The following PDE3B variants were observed in gnomAD, a reference collection of about 807,000 sequenced individuals.
The protein encoded by PDE3B is phosphodiesterase 3B.
In PDE3B, 66 loss-of-function variants were observed where a neutral mutation model predicts 116.8. The observed-to-expected ratio is 0.56, with a 90% CI of 0.46 to 0.69. PDE3B has a LOEUF of 0.69. Among genes scored for constraint, PDE3B ranks in the 30% least tolerant of loss-of-function variants. PDE3B has a pLI of 0.00. For synonymous variants in PDE3B, 595 were observed against 533.6 expected (o/e 1.12, Z -1.59); for missense variants, 1,384 against 1,368.1 (o/e 1.01, Z -0.18).
At chr11:14,879,030 A>G in the PDE3B span, 2 of 1,086,368 alleles carry the variant, frequency 1.8e-6, no homozygotes, top group African/African-American at 3.1e-5. Flanking sequence ...ATTCTATAGA[A>G]GGATGCTTCA....
chr11:14,800,083 T>C (rs1378529521), intron 4 of PDE3B, among the ~76,000 whole-genome samples: 2 of 152,322 alleles, frequency 1.3e-5, no homozygotes, highest in African/African-American at 4.8e-5. Flanking sequence ...TTCCTTTCCA[T>C]GTTTAGTGCT....
At chr11:14,838,745 A>G (rs1305456745) in intron 11 of PDE3B, among the ~76,000 whole-genome samples, 1 of 152,228 alleles carries the variant, frequency 6.6e-6, no homozygotes, top group Non-Finnish European at 1.5e-5. Context: ...CCTGGGGGAT[A>G]TATGTCTGAA....
At position 14,656,180 on chromosome 11, in the gene PDE3B, TTAGCTAATG is replaced by T. The variant is rs1853712248; in HGVS notation, c.978+11131_978+11139del. On this transcript the variant is annotated intron_variant, in intron 1 of 15. Transcript: ENST00000282096. ...AGTGACTGAAAGTTTACTGGTGTCA[TTAGCTAATG>T]TAGGGAACATTGGAAGATGAGCTGG... Among the ~76,000 whole-genome samples the T allele has an allele frequency of 2.0e-5, 3 of 152,286 alleles. No individual in the cohort carries two copies. In the South Asian group the frequency reaches 6.2e-4, roughly 32 times the overall value.
intron 11 of PDE3B, among the ~76,000 whole-genome samples, chr11:14,838,918 A>G (rs1426297331): frequency 2.6e-5 from 4 of 152,206 alleles, no homozygotes; most frequent in Non-Finnish European, 2.9e-5. Flanking sequence ...AACTCCTTGT[A>G]TACTGTAGAG....
chr11:14,674,483 G>T, intron 1 of PDE3B: 1 of 568,116 alleles, frequency 1.8e-6, no homozygotes, highest in East Asian at 4.4e-5. Context: ...GTTTCATGAA[G>T]AAGAGGCCCA....
intron 1 of PDE3B, among the ~76,000 whole-genome samples, chr11:14,764,553 A>G (rs377138021): frequency 2.0e-5 from 3 of 152,234 alleles, no homozygotes; most frequent in South Asian, 2.1e-4. Flanking sequence ...AATGACAAAT[A>G]TAAGATGCTA....
chr11:14,643,890 A>C lies in PDE3B; in HGVS notation c.-186A>C. The C allele has an allele frequency of 2.5e-6, 2 of 809,338 alleles. No homozygotes were observed. The highest frequency in any genetic ancestry group is 3.5e-6 in the Non-Finnish European group (2 of 570,224). The allele number at this position is 809,338 out of a possible 1,614,324, so 50.1% of individuals were successfully genotyped here. On this transcript the variant is annotated 5_prime_UTR_variant, in exon 1 of 16. The change abolishes an upstream ATG in the 5' untranslated region. Coordinates refer to ENST00000282096, the MANE Select transcript of PDE3B (RefSeq NM_000922.4). ...CCTTCCGCCCCTCTCCTCAGCCAGC[A>C]TGTCCCGGACTCCGCCGCTCCTCAG...
rs1469540678 is a variant in PDE3B at position 14,823,128 on chromosome 11, G to T, written c.1807+3919G>T. On this transcript the variant is annotated intron_variant, in intron 7 of 15. Coordinates refer to ENST00000282096, the MANE Select transcript of PDE3B (RefSeq NM_000922.4). ...CCCTGAGATAGTGCTCCCGGGGGAG[G>T]GACAGGCCGCCATCTTTGCTGTTTC... Among the ~76,000 whole-genome samples, 3 of 152,230 alleles carry T rather than the reference G, an allele frequency of 2.0e-5. No individual in the cohort carries two copies. In the East Asian group the frequency reaches 5.8e-4, roughly 29 times the overall value.
At chr11:14,899,027 A>G in the PDE3B span, among the ~76,000 whole-genome samples, 1 of 152,152 alleles carries the variant, frequency 6.6e-6, no homozygotes, top group Admixed American at 6.5e-5. Flanking sequence ...GATGTCTGAA[A>G]AGTGACCTTT....
chr11:14,702,460 C>T (rs1391564605), intron 1 of PDE3B, among the ~76,000 whole-genome samples: 2 of 151,548 alleles, frequency 1.3e-5, no homozygotes, highest in African/African-American at 2.4e-5. Context: ...GAAGGTGATT[C>T]CAGGAATTAT....
At chr11:14,728,376 G>C (rs1856372690) in intron 1 of PDE3B, among the ~76,000 whole-genome samples, 1 of 152,052 alleles carries the variant, frequency 6.6e-6, no homozygotes, top group Admixed American at 6.5e-5. Flanking sequence ...CCTAGATTTA[G>C]TCAGTATTTT....
chr11:14,803,875 A>G, intron 4 of PDE3B, 69 bp from the exon 5 acceptor site: 1 of 870,860 alleles, frequency 1.1e-6, no homozygotes. Context: ...TTAAATTGAG[A>G]ACCATGAGGA....
chr11:14,862,555 G>T (rs1283125921), intron 14 of PDE3B, among the ~76,000 whole-genome samples: 2 of 152,080 alleles, frequency 1.3e-5, no homozygotes, highest in Admixed American at 6.5e-5. Flanking sequence ...AGGATTCAAA[G>T]ATATAAGCAG....
intron 5 of PDE3B, among the ~76,000 whole-genome samples, chr11:14,810,275 T>A (rs1381354215): frequency 6.6e-6 from 1 of 151,256 alleles, no homozygotes; most frequent in African/African-American, 2.4e-5. Context: ...CACTAACTCG[T>A]CATCTAGCAT....
chr11:14,686,982 G>C (rs1037502765), intron 1 of PDE3B, among the ~76,000 whole-genome samples: 2 of 151,910 alleles, frequency 1.3e-5, no homozygotes, highest in African/African-American at 4.8e-5. Flanking sequence ...CAAAGTGCTG[G>C]GATTACAGGC....
chr11:14,694,018 T>C (rs1283076558), intron 1 of PDE3B, among the ~76,000 whole-genome samples: 1 of 152,084 alleles, frequency 6.6e-6, no homozygotes, highest in African/African-American at 2.4e-5. Context: ...ATGAGTGACT[T>C]TGAGGGGTTC....
At chr11:14,694,025 G>A (rs1354047089) in intron 1 of PDE3B, among the ~76,000 whole-genome samples, 1 of 152,098 alleles carries the variant, frequency 6.6e-6, no homozygotes, top group South Asian at 2.1e-4. Flanking sequence ...ACTTTGAGGG[G>A]TTCAAGATGT....
chr11:14,760,298 A>G (rs796776980), intron 1 of PDE3B, among the ~76,000 whole-genome samples: 2 of 152,320 alleles, frequency 1.3e-5, no homozygotes, highest in African/African-American at 4.8e-5. Flanking sequence ...CAAAATTTCA[A>G]ATTTATAATG....
chr11:14,879,323 A>G, the PDE3B span: 19 of 1,612,986 alleles, frequency 1.2e-5, no homozygotes, highest in Non-Finnish European at 1.3e-5. Flanking sequence ...TAATGGAACT[A>G]TATTACAGAA....
Sources: gnomAD v4.1 joint callset for allele counts (sites outside exome capture counted in the v4.1 genomes callset) on GRCh38, gnomAD v4.1.1 for gene constraint, MANE v1.5 for transcripts, NCBI Gene and HGNC (gene_info 2026-07-23, HGNC 2026-07-21) for gene names.